Variants in SRPX observed in about 807,000 individuals in gnomAD.
SRPX encodes the protein sushi repeat containing protein X-linked, also known as sushi repeat-containing protein SRPX.
Under a neutral mutation model 38.1 loss-of-function variants are expected in SRPX, and 24 were observed. That is an observed-to-expected ratio of 0.63 (90% CI 0.46 to 0.89). SRPX has a LOEUF of 0.89. SRPX is among the 40% of genes least tolerant of loss of function. SRPX has a pLI of 0.00. For missense variants in SRPX, 416 were observed against 377.8 expected, an observed-to-expected ratio of 1.10 and a Z score of -0.84; for synonymous variants, 184 against 153.8, an observed-to-expected ratio of 1.20 and a Z score of -1.45.
intron 5 of SRPX, among the ~76,000 whole-genome samples, chrX:38,161,488 G>C (rs1034795744): frequency 4.7e-5 from 5 of 106,944 alleles, no homozygotes; most frequent in Non-Finnish European, 9.7e-5. Context: ...ATTTGGGCCT[G>C]CGGGGCGGGG....
intron 9 of SRPX, among the ~76,000 whole-genome samples, chrX:38,150,272 G>A (rs970596456): frequency 3.6e-5 from 4 of 112,276 alleles, no homozygotes; most frequent in South Asian, 3.7e-4. Context: ...GTGCATACAA[G>A]GCTAACAGAT....
chrX:38,179,419 C>T (rs1433207035), intron 1 of SRPX, among the ~76,000 whole-genome samples: 2 of 112,326 alleles, frequency 1.8e-5, no homozygotes, highest in Non-Finnish European at 3.8e-5. Flanking sequence ...GTAGCAGATG[C>T]CAAACTTCAA....
chrX:38,191,763 G>A (rs1266970021), intron 1 of SRPX, among the ~76,000 whole-genome samples: 2 of 111,929 alleles, frequency 1.8e-5, no homozygotes, highest in African/African-American at 6.5e-5. Flanking sequence ...TGGTATGTGT[G>A]TGTTTTGGAT....
intron 8 of SRPX, among the ~76,000 whole-genome samples, chrX:38,155,004 C>A (rs748758015): frequency 2.4e-3 from 262 of 111,026 alleles, no homozygotes; most frequent in Non-Finnish European, 2.3e-3. Flanking sequence ...GCCCTCCACA[C>A]CCAATCCCAG....
intron 2 of SRPX, among the ~76,000 whole-genome samples, chrX:38,174,937 T>C (rs1194195736): frequency 8.9e-6 from 1 of 111,779 alleles, no homozygotes; most frequent in Non-Finnish European, 1.9e-5. Flanking sequence ...TAAATTTCGC[T>C]TAAAGTCACA....
intron 1 of SRPX, among the ~76,000 whole-genome samples, chrX:38,204,128 AT>A (rs1324648706): frequency 4.5e-5 from 5 of 112,232 alleles, no homozygotes; most frequent in Admixed American, 3.8e-4. Context: ...ATATTCATGG[AT>A]TGAAAGATTC....
chrX:38,161,497 G>A (rs1938263258), intron 5 of SRPX, among the ~76,000 whole-genome samples: 1 of 109,102 alleles, frequency 9.2e-6, no homozygotes, highest in African/African-American at 3.3e-5. Flanking sequence ...TGCGGGGCGG[G>A]GGTGGGTGCT....
Position 38,150,414 on chromosome X carries a change from AC to A in SRPX, c.1212-521del, listed in dbSNP as rs759998337. Among the ~76,000 whole-genome samples, 450 of 111,823 alleles carry A rather than the reference AC, an allele frequency of 4.0e-3. 1 individual carries two copies. Among genetic ancestry groups the A allele is most frequent in the African/African-American group, 0.014 (432 of 30,756 alleles). On this transcript the variant is annotated intron_variant, in intron 9 of 9. Transcript: ENST00000378533. The stretch of plus-strand genomic sequence containing the variant: ...ATGAACAGGGGTGATTTTGCTCCCC[AC>A]CCCCAGGGGAAATTTGGCCATGTCT...
At chrX:38,172,124 C>A in intron 3 of SRPX, 67 bp from the exon 4 acceptor site, 1 of 1,086,347 alleles carries the variant, frequency 9.2e-7, no homozygotes, top group South Asian at 2.1e-5. Context: ...ATTTCAGAGT[C>A]TAGAAACTCT....
chrX:38,201,970 G>A, intron 1 of SRPX, among the ~76,000 whole-genome samples: 1 of 112,098 alleles, frequency 8.9e-6, no homozygotes, highest in South Asian at 3.7e-4. Flanking sequence ...TCTAAGAGTG[G>A]AAAAGAAGAA....
intron 1 of SRPX, among the ~76,000 whole-genome samples, chrX:38,202,565 C>T (rs190483660): frequency 9.0e-6 from 1 of 111,595 alleles, no homozygotes; most frequent in Non-Finnish European, 1.9e-5. Context: ...ACAATGGAAA[C>T]AATCAAACCA....
At chrX:38,150,974 A>G (rs765007936) in intron 9 of SRPX, among the ~76,000 whole-genome samples, 24 of 112,336 alleles carry the variant, frequency 2.1e-4, no homozygotes, top group African/African-American at 7.8e-4. Context: ...ATATTTTGAG[A>G]TTATGTATGA....
At chrX:38,162,963 T>C (rs1938294011) in intron 5 of SRPX, among the ~76,000 whole-genome samples, 1 of 112,915 alleles carries the variant, frequency 8.9e-6, no homozygotes, top group Admixed American at 9.3e-5. Context: ...CACAGGTTTT[T>C]TCAACAGCAG....
At chrX:38,156,470 C>A (rs1938133874) in intron 8 of SRPX, among the ~76,000 whole-genome samples, 1 of 111,744 alleles carries the variant, frequency 8.9e-6, no homozygotes, top group South Asian at 3.8e-4. Context: ...TGGTCCGGTC[C>A]ATGGATCACA....
In SRPX at chrX:38,200,084, T is replaced by C. The variant is rs188783000; in HGVS notation, c.97+20612A>G. Among the ~76,000 whole-genome samples the C allele has an allele frequency of 4.5e-5, 5 of 112,123 alleles. No individual in the cohort carries two copies. In the East Asian group the frequency reaches 1.4e-3, roughly 31 times the overall value. ...TGGTTCATCTGTGATTAGAAATAGC[T>C]TGGATAGAATAGAAAGCTGAGCCAA... On this transcript the variant is annotated intron_variant, in intron 1 of 9. Coordinates refer to ENST00000378533, the MANE Select transcript of SRPX (RefSeq NM_006307.5).
intron 1 of SRPX, among the ~76,000 whole-genome samples, chrX:38,178,678 A>C (rs1185317199): frequency 8.9e-6 from 1 of 111,891 alleles, no homozygotes; most frequent in Non-Finnish European, 1.9e-5. Context: ...GGGGAGATGC[A>C]ATAAAATGTG....
chrX:38,175,214 TG>T (rs1400220743), intron 2 of SRPX, among the ~76,000 whole-genome samples: 1 of 112,097 alleles, frequency 8.9e-6, no homozygotes, highest in Non-Finnish European at 1.9e-5. Flanking sequence ...CCACAATTGA[TG>T]GGGAACAGTG....
chrX:38,170,597 A>G (rs1938448950), intron 4 of SRPX, among the ~76,000 whole-genome samples: 1 of 111,167 alleles, frequency 9.0e-6, no homozygotes, highest in Non-Finnish European at 1.9e-5. Flanking sequence ...CTTCTCCCAA[A>G]TATGCCTGAA....
rs1351760983 is a variant in SRPX at position 38,151,330 on chromosome X, T to A, written c.1212-1436A>T. Among the ~76,000 whole-genome samples the A allele has an allele frequency of 4.7e-4, 53 of 112,053 alleles. No individual in the cohort carries two copies. In the Admixed American group the frequency reaches 5.0e-3, roughly 11 times the overall value. On this transcript the variant is annotated intron_variant, in intron 9 of 9. Transcript: ENST00000378533. Reference sequence around the variant, plus strand: ...AGGTGTGAATGAAGAGATAAAATGCTCTGCATCTTTAAGGGGAAGGATATT... The same window carrying A: ...AGGTGTGAATGAAGAGATAAAATGCACTGCATCTTTAAGGGGAAGGATATT...
Sources: allele counts gnomAD v4.1 joint callset (sites outside exome capture counted in the v4.1 genomes callset), GRCh38; gene constraint gnomAD v4.1.1; transcripts MANE v1.5; gene names NCBI Gene and HGNC (gene_info 2026-07-23, HGNC 2026-07-21).